The following INTS9 variants were observed in gnomAD, a reference collection of about 807,000 sequenced individuals.
The protein encoded by INTS9 is protein related to CPSF subunits of 74 kDa.
A neutral mutation model predicts 79.7 loss-of-function variants in INTS9; 55 were observed. That is an observed-to-expected ratio of 0.69 (90% CI 0.56 to 0.86). The LOEUF is 0.86. Among genes scored for constraint, INTS9 ranks in the 40% least tolerant of loss-of-function variants. The pLI is 0.00. For synonymous variants in INTS9, 319 were observed against 325.2 expected (o/e 0.98, Z 0.20); for missense variants, 721 against 831.5 (o/e 0.87, Z 1.64).
At chr8:28,878,894 C>T (rs754607277) in intron 1 of INTS9, among the ~76,000 whole-genome samples, 5 of 151,678 alleles carry the variant, frequency 3.3e-5, no homozygotes, top group Admixed American at 6.6e-5. Context: ...GCATGAGAAT[C>T]GCTTGAGCCC....
intron 1 of INTS9, among the ~76,000 whole-genome samples, chr8:28,871,793 CTA>C (rs745411196): frequency 6.6e-6 from 1 of 151,980 alleles, no homozygotes; most frequent in Non-Finnish European, 1.5e-5. Context: ...AAGGACTTTT[CTA>C]TGAGAAAAAC....
intron 1 of INTS9, among the ~76,000 whole-genome samples, chr8:28,889,157 C>A (rs997787298): frequency 2.6e-5 from 4 of 152,184 alleles, no homozygotes; most frequent in Admixed American, 6.5e-5. Flanking sequence ...GACTTGTGTG[C>A]ACAATGAGTC....
intron 8 of INTS9, among the ~76,000 whole-genome samples, chr8:28,809,818 T>C (rs1805006311): frequency 6.6e-6 from 1 of 152,150 alleles, no homozygotes; most frequent in African/African-American, 2.4e-5. Flanking sequence ...TTCCGCCAGA[T>C]GCAGGAAAAA....
intron 4 of INTS9, among the ~76,000 whole-genome samples, chr8:28,842,239 G>C (rs559606391): frequency 6.6e-6 from 1 of 152,316 alleles, no homozygotes; most frequent in African/African-American, 2.4e-5. Context: ...GGTTGGTCTT[G>C]TTGTCTTGGG....
At chr8:28,884,575 C>T (rs1810085603) in intron 1 of INTS9, among the ~76,000 whole-genome samples, 1 of 152,110 alleles carries the variant, frequency 6.6e-6, no homozygotes, top group Admixed American at 6.5e-5. Flanking sequence ...AAATATCCAT[C>T]TTTATCACAG....
intron 1 of INTS9, among the ~76,000 whole-genome samples, chr8:28,888,065 A>G (rs970195703): frequency 3.9e-5 from 6 of 152,222 alleles, no homozygotes; most frequent in Non-Finnish European, 8.8e-5. Flanking sequence ...CACAGGGTCC[A>G]TGCTTTAGCC....
rs554434287 is a variant in INTS9, at chr8:28,866,674, C to G, written c.10-7111G>C. Among the ~76,000 whole-genome samples, 3 of 152,286 alleles carry G rather than the reference C, an allele frequency of 2.0e-5. No individual in the cohort carries two copies. The East Asian group carries it at 5.8e-4, about 29-fold the overall frequency. On this transcript the variant is annotated intron_variant, in intron 1 of 16. Coordinates refer to ENST00000521022, the MANE Select transcript of INTS9 (RefSeq NM_018250.4). ...ATATTATGTTAAGGTTTCAGCAAATCTAATACTTTAAAAATCTGCTGGCCA... is the reference window on the plus strand; with the variant it reads ...ATATTATGTTAAGGTTTCAGCAAATGTAATACTTTAAAAATCTGCTGGCCA...
chr8:28,860,167 G>A (rs1235407756), intron 1 of INTS9, among the ~76,000 whole-genome samples: 1 of 152,174 alleles, frequency 6.6e-6, no homozygotes, highest in Non-Finnish European at 1.5e-5. Flanking sequence ...GGAATCTCTT[G>A]CCTATGGCAG....
rs1807760291 is a variant in INTS9, at chr8:28,850,287, G to C, written c.138-14C>G. On this transcript the variant is annotated splice_polypyrimidine_tract_variant and intron_variant, in intron 2 of 16. Transcript: ENST00000521022. ...GACAGCCTGGGACTGCAAAACAAAAGATTAAGATTAAATTAACCTAAATAG... is the reference window on the plus strand; with the variant it reads ...GACAGCCTGGGACTGCAAAACAAAACATTAAGATTAAATTAACCTAAATAG... 6.2e-7 allele frequency: 1 copy of C among 1,605,052 alleles called. No homozygotes were observed. The highest frequency in any genetic ancestry group is 1.7e-5 in the Admixed American group (1 of 59,830).
chr8:28,796,743 T>C (rs938710043), intron 8 of INTS9, 88 bp from the exon 9 acceptor site: 30 of 833,360 alleles, frequency 3.6e-5, no homozygotes, highest in Non-Finnish European at 5.6e-5. Context: ...CAGACATTGC[T>C]CTTTCTACGT....
intron 6 of INTS9, among the ~76,000 whole-genome samples, chr8:28,819,360 T>C (rs1301866268): frequency 2.0e-5 from 3 of 152,330 alleles, no homozygotes; most frequent in South Asian, 4.1e-4. Flanking sequence ...GTGTCTTTGT[T>C]CTTGTTGGTT....
chr8:28,768,275 G>A lies in INTS9; in HGVS notation c.1848C>T (p.Ile616=), dbSNP rs774873038. Reference sequence around the variant, plus strand: ...GCGTCTCAGCCTCCTGGAGCAGGACGATATGGCCCTTGGCTGTGTCCTCCA... The same window carrying A: ...GCGTCTCAGCCTCCTGGAGCAGGACAATATGGCCCTTGGCTGTGTCCTCCA... The part of the protein sequence containing the change: ...IKVEDTAKGH[I]VLLQEAETLI... Residue 616 remains isoleucine, a synonymous_variant, in exon 17 of 17, where the codon ATC becomes ATT. Transcript: ENST00000521022. 8 of 1,613,940 alleles carry A rather than the reference G, an allele frequency of 5.0e-6. No homozygotes were observed. The Admixed American group carries it at 8.3e-5, about 17-fold the overall frequency.
In INTS9 at chr8:28,851,399, A is replaced by G. The variant is rs947715542; in HGVS notation, c.138-1126T>C. Among the ~76,000 whole-genome samples the G allele has an allele frequency of 1.1e-3, 167 of 151,962 alleles. 4 individuals carry two copies. The highest frequency in any genetic ancestry group is 4.0e-3 in the African/African-American group (164 of 41,328). Reference sequence around the variant, plus strand: ...GCATCTATTTTCAGAAAAAAGTGAGAATTGGGGGTGGGGTAAGTTTGTTTT... The same window carrying G: ...GCATCTATTTTCAGAAAAAAGTGAGGATTGGGGGTGGGGTAAGTTTGTTTT... On this transcript the variant is annotated intron_variant, in intron 2 of 16. Transcript: ENST00000521022.
chr8:28,821,369 A>C (rs964200096), intron 6 of INTS9, among the ~76,000 whole-genome samples: 1 of 152,242 alleles, frequency 6.6e-6, no homozygotes, highest in Non-Finnish European at 1.5e-5. Flanking sequence ...TAAACCCATC[A>C]GATCTTGTGA....
At chr8:28,859,876 C>T (rs760681708) in intron 1 of INTS9, among the ~76,000 whole-genome samples, 3 of 152,194 alleles carry the variant, frequency 2.0e-5, no homozygotes, top group African/African-American at 7.2e-5. Context: ...TCACAAGGCA[C>T]TGGTGAATTA....
intron 8 of INTS9, among the ~76,000 whole-genome samples, chr8:28,803,033 G>A (rs1046894762): frequency 2.0e-5 from 3 of 151,984 alleles, no homozygotes; most frequent in Non-Finnish European, 4.4e-5. Context: ...GATCATCTGA[G>A]CCCATAGAGT....
chr8:28,773,346 C>T (rs1046060999), intron 14 of INTS9, among the ~76,000 whole-genome samples: 8 of 151,248 alleles, frequency 5.3e-5, no homozygotes, highest in African/African-American at 1.9e-4. Flanking sequence ...TGCCTGTGGT[C>T]CCAGCTACTA....
At position 28,889,920 on chromosome 8, in the gene INTS9, C is replaced by G; in HGVS notation, c.-38G>C. 1 of 1,592,142 alleles carries G rather than the reference C, an allele frequency of 6.3e-7. No individual in the cohort carries two copies. Among genetic ancestry groups the G allele is most frequent in the South Asian group, 1.1e-5 (1 of 90,144 alleles). On this transcript the variant is annotated 5_prime_UTR_variant, in exon 1 of 17. Transcript: ENST00000521022. ...GTGGTTCAATAGCAGTCACTGAACT[C>G]CTCAAACCCAGGAAGCGTCTTCCGG...
intron 1 of INTS9, among the ~76,000 whole-genome samples, chr8:28,868,873 C>T (rs1188738024): frequency 4.6e-5 from 7 of 151,934 alleles, no homozygotes; most frequent in Non-Finnish European, 8.8e-5. Context: ...GAGGCCGAGA[C>T]GGATCACCTC....
Sources: allele counts gnomAD v4.1 joint callset (sites outside exome capture counted in the v4.1 genomes callset), GRCh38; gene constraint gnomAD v4.1.1; transcripts MANE v1.5; gene names NCBI Gene and HGNC (gene_info 2026-07-23, HGNC 2026-07-21).